TRAPPC10: variants seen among roughly 807,000 people sequenced by gnomAD.
TRAPPC10 encodes trafficking protein particle complex subunit 10, also known as TRAPP 130 kDa subunit.
In TRAPPC10, 23 loss-of-function variants were observed where a neutral mutation model predicts 125.5. That is an observed-to-expected ratio of 0.18 (90% CI 0.13 to 0.26). TRAPPC10 has a LOEUF of 0.26. Among genes scored for constraint, TRAPPC10 ranks in the 10% least tolerant of loss-of-function variants. The pLI, the probability that TRAPPC10 is intolerant of heterozygous loss-of-function variation, is 1.00. For missense variants in TRAPPC10, 1,123 were observed against 1,308.4 expected (o/e 0.86, Z 2.19); for synonymous variants, 509 against 518.0 (o/e 0.98, Z 0.24).
chr21:44,074,196 G>A (rs2146020476), intron 7 of TRAPPC10, 128 bp from the exon 8 acceptor site: 1 of 1,121,154 alleles, frequency 8.9e-7, no homozygotes, highest in East Asian at 2.5e-5. Flanking sequence ...GCATATCACA[G>A]AACTGTTAGA....
intron 5 of TRAPPC10, among the ~76,000 whole-genome samples, chr21:44,058,008 A>G (rs946262652): frequency 5.3e-5 from 8 of 152,186 alleles, no homozygotes; most frequent in Non-Finnish European, 1.0e-4. Flanking sequence ...TTCTCATTCA[A>G]CAAAGGTTAC....
At chr21:44,081,026 T>TTTTTTTTTTTTTC (rs2037694039) in intron 13 of TRAPPC10, among the ~76,000 whole-genome samples, 1 of 138,638 alleles carries the variant, frequency 7.2e-6, no homozygotes, top group African/African-American at 3.0e-5. Flanking sequence ...TCTTTTTTTT[T>TTTTTTTTTTTTTC]TTTTTTTTTT....
chr21:44,029,188 G>A (rs931159494), intron 1 of TRAPPC10, among the ~76,000 whole-genome samples: 17 of 152,096 alleles, frequency 1.1e-4, no homozygotes, highest in African/African-American at 3.6e-4. Flanking sequence ...TCCGCCTCCC[G>A]GGTTCACACC....
intron 1 of TRAPPC10, among the ~76,000 whole-genome samples, chr21:44,015,307 A>G (rs2031694958): frequency 6.6e-6 from 1 of 152,224 alleles, no homozygotes; most frequent in Middle Eastern, 3.2e-3. Context: ...GTTCAGGTGA[A>G]TTTAAAAACT....
At chr21:44,083,401 C>G in intron 14 of TRAPPC10, 99 bp downstream of exon 14, 2 of 1,322,356 alleles carry the variant, frequency 1.5e-6, no homozygotes, top group Non-Finnish European at 2.1e-6. Flanking sequence ...GAGTAGAGTC[C>G]TTTGTTCTCC....
chr21:44,092,334 C>T (rs2038643412), intron 19 of TRAPPC10, among the ~76,000 whole-genome samples: 2 of 152,230 alleles, frequency 1.3e-5, no homozygotes, highest in African/African-American at 2.4e-5. Flanking sequence ...TTTGAACGCA[C>T]TGTTGATTGC....
rs182622073 is a variant in TRAPPC10 at position 44,060,820 on chromosome 21, C to T, written c.790+1606C>T. On this transcript the variant is annotated intron_variant, in intron 6 of 22. Coordinates refer to ENST00000291574, the MANE Select transcript of TRAPPC10 (RefSeq NM_003274.5). ...TTCACCATGTTGGCCAGGCTGGTCTCGAACTCCTGGCCCCAAGTGATCCTC... is the reference window on the plus strand; with the variant it reads ...TTCACCATGTTGGCCAGGCTGGTCTTGAACTCCTGGCCCCAAGTGATCCTC... 3.7e-3 allele frequency among the ~76,000 whole-genome samples: 561 copies of T among 151,528 alleles called. 2 individuals carry two copies. The highest frequency in any genetic ancestry group is 0.028 in the Middle Eastern group (8 of 290).
rs1216511751 is a variant in TRAPPC10, at chr21:44,092,043, C to T, written c.2991C>T (p.Ser997=). The T allele has an allele frequency of 1.9e-6, 3 of 1,613,994 alleles. No homozygotes were observed. Among genetic ancestry groups the T allele is most frequent in the South Asian group, 1.1e-5 (1 of 91,058 alleles). Residue 997 remains serine, a synonymous_variant, in exon 19 of 23, where the codon TCC becomes TCT. Transcript: ENST00000291574. ...AACTAGTACCACTGAACACGCAGTCCCAGCAGGTAAACATTGTGTAGACCT... is the reference window on the plus strand; with the variant it reads ...AACTAGTACCACTGAACACGCAGTCTCAGCAGGTAAACATTGTGTAGACCT... The part of the protein sequence containing the change: ...DLQLVPLNTQ[S]QQPIYSKQSV...
chr21:44,041,373 C>T (rs566727663), intron 3 of TRAPPC10, among the ~76,000 whole-genome samples: 1 of 151,498 alleles, frequency 6.6e-6, no homozygotes, highest in Admixed American at 6.6e-5. Context: ...ATTAAGTGGT[C>T]TTTCTTTACT....
At chr21:44,045,587 T>C (rs1385128154) in intron 3 of TRAPPC10, among the ~76,000 whole-genome samples, 1 of 152,080 alleles carries the variant, frequency 6.6e-6, no homozygotes, top group African/African-American at 2.4e-5. Flanking sequence ...AGTCTCGCAC[T>C]GTTGCCCAGG....
intron 17 of TRAPPC10, chr21:44,089,190 C>T (rs1353863045): frequency 3.2e-6 from 1 of 316,012 alleles, no homozygotes; most frequent in South Asian, 2.5e-5. Flanking sequence ...GCTGGTGGCA[C>T]CTGTGCTATG....
chr21:44,022,801 G>T (rs924137004), intron 1 of TRAPPC10, among the ~76,000 whole-genome samples: 3 of 150,510 alleles, frequency 2.0e-5, no homozygotes, highest in African/African-American at 7.3e-5. Context: ...TGGCTCATTT[G>T]TCTTGAAAAG....
chr21:44,037,719 G>A (rs2034093599), intron 2 of TRAPPC10, 73 bp from the exon 3 acceptor site: 2 of 1,526,286 alleles, frequency 1.3e-6, no homozygotes, highest in African/African-American at 1.4e-5. Context: ...TACATTATTT[G>A]TTGTTCTATT....
intron 3 of TRAPPC10, among the ~76,000 whole-genome samples, chr21:44,050,384 A>G (rs534793898): frequency 7.0e-6 from 1 of 142,978 alleles, no homozygotes; most frequent in South Asian, 2.3e-4. Flanking sequence ...ACTTGGAGCC[A>G]GGACTCCTTC....
chr21:44,045,320 G>A (rs1044100597), intron 3 of TRAPPC10, among the ~76,000 whole-genome samples: 7 of 152,138 alleles, frequency 4.6e-5, no homozygotes, highest in African/African-American at 1.7e-4. Context: ...AACCTTGCTT[G>A]TAGTGTAGGT....
chr21:44,055,052 C>A (rs960353070), intron 4 of TRAPPC10, among the ~76,000 whole-genome samples: 1 of 152,174 alleles, frequency 6.6e-6, no homozygotes, highest in South Asian at 2.1e-4. Flanking sequence ...TCCCAAGGAA[C>A]CAAAATGGAT....
intron 13 of TRAPPC10, among the ~76,000 whole-genome samples, chr21:44,081,878 C>T (rs2037772294): frequency 6.6e-6 from 1 of 152,006 alleles, no homozygotes; most frequent in Non-Finnish European, 1.5e-5. Context: ...GACCCTGTCT[C>T]AAAGAAAGGG....
At position 44,084,127 on chromosome 21, in the gene TRAPPC10, G is replaced by A; in HGVS notation, c.2244G>A (p.Lys748=). Reference sequence around the variant, plus strand: ...GCCTGATTCTTTGACTCTAGGCCAAGGAACCTGGAACGTATACACTCAGGC... The same window carrying A: ...GCCTGATTCTTTGACTCTAGGCCAAAGAACCTGGAACGTATACACTCAGGC... ...ANQITFRTQA[K]EPGTYTLRQL... The change falls in exon 15 of 23, where the codon AAG becomes AAA. Residue 748 remains lysine (K), a synonymous_variant. Transcript: ENST00000291574. 2.5e-6 allele frequency: 4 copies of A among 1,613,758 alleles called. No individual in the cohort carries two copies. The highest frequency in any genetic ancestry group is 3.4e-6 in the Non-Finnish European group (4 of 1,179,926).
chr21:44,035,223 T>C (rs576821654), intron 2 of TRAPPC10, among the ~76,000 whole-genome samples: 2 of 152,320 alleles, frequency 1.3e-5, no homozygotes, highest in East Asian at 3.9e-4. Flanking sequence ...TCTCTTTGGC[T>C]CTCTGGCTCT....
Sources: gnomAD v4.1 joint callset for allele counts (sites outside exome capture counted in the v4.1 genomes callset) on GRCh38, gnomAD v4.1.1 for gene constraint, MANE v1.5 for transcripts, NCBI Gene and HGNC (gene_info 2026-07-23, HGNC 2026-07-21) for gene names.